The following TET3 variants were observed in gnomAD, a reference collection of about 807,000 sequenced individuals.
The protein encoded by TET3 is methylcytosine dioxygenase TET3.
In TET3, 19 loss-of-function variants were observed where a neutral mutation model predicts 141.4. The observed-to-expected ratio is 0.13, with a 90% CI of 0.09 to 0.20. The LOEUF (loss-of-function observed/expected upper bound fraction) is 0.20, where lower values mean the gene tolerates loss of function less well. TET3 is among the 10% of genes least tolerant of loss of function. The pLI is 1.00. For missense variants in TET3, 1,874 were observed against 2,356.9 expected (o/e 0.80, Z 4.24); for synonymous variants, 1,043 against 980.9 (o/e 1.06, Z -1.18).
chr2:74,105,205 G>A lies in TET3; in HGVS notation c.*3029G>A, dbSNP rs549505282. On this transcript the variant is annotated 3_prime_UTR_variant, in exon 12 of 12. Coordinates refer to ENST00000409262, the MANE Select transcript of TET3 (RefSeq NM_001287491.2). ...AGAACCTAACAGCATGACCAAGTTC[G>A]AAGAGTCATATTATAGCAACGGAAA... 2.0e-4 allele frequency: 80 copies of A among 398,514 alleles called. No individual in the cohort carries two copies. The highest frequency in any genetic ancestry group is 1.5e-3 in the African/African-American group (74 of 48,710). The allele number at this position is 398,514 out of a possible 1,614,324, so 24.7% of individuals were successfully genotyped here.
chr2:74,060,538 T>C (rs986375529), intron 4 of TET3, among the ~76,000 whole-genome samples: 10 of 152,216 alleles, frequency 6.6e-5, no homozygotes, highest in African/African-American at 2.4e-4. Flanking sequence ...ATTATTATTT[T>C]TTTTTATTGA....
intron 3 of TET3, among the ~76,000 whole-genome samples, chr2:74,013,936 G>T (rs1473990700): frequency 2.6e-5 from 4 of 152,112 alleles, no homozygotes; most frequent in Non-Finnish European, 5.9e-5. Context: ...CCATAGAAAT[G>T]ATCCTTTTCA....
chr2:74,075,320 CTTTTTTTTTTTTTTTT>C (rs971111434), intron 5 of TET3, among the ~76,000 whole-genome samples: 11 of 89,082 alleles, frequency 1.2e-4, no homozygotes, highest in African/African-American at 3.9e-4. Flanking sequence ...GAGCCAAATA[CTTTTTTTTTTTTTTTT>C]TTTTTTTTTT....
At chr2:74,088,073 C>CT (rs1690259380) in intron 7 of TET3, 35 bp downstream of exon 7, 3 of 1,543,416 alleles carry the variant, frequency 1.9e-6, no homozygotes, top group Non-Finnish European at 2.6e-6. Context: ...CAGGGCCCAC[C>CT]TATAGGGTCC....
intron 5 of TET3, among the ~76,000 whole-genome samples, chr2:74,077,599 CAA>C (rs1689579963): frequency 6.6e-6 from 1 of 152,034 alleles, no homozygotes; most frequent in South Asian, 2.1e-4. Context: ...TCTTTAAACA[CAA>C]AGAGACAGTC....
At position 74,047,850 on chromosome 2, in the gene TET3, C is replaced by T; in HGVS notation, c.1933C>T (p.Pro645Ser). The stretch of plus-strand genomic sequence containing the variant: ...CTCCCAGGAAGTGCAGGCTCATCCA[C>T]CGGCCCCTCTGCCTGCCTCACAGGG... Reference protein sequence around the residue: ...PASQEVQAHPPAPLPASQGSA... With the variant: ...PASQEVQAHPSAPLPASQGSA... Residue 645 changes from proline (P) to serine (S), a missense_variant, in exon 4 of 12, where the codon CCG (proline) becomes TCG (serine). By Grantham distance (74) the Pro-to-Ser change is moderately conservative. Transcript: ENST00000409262. 1.2e-6 allele frequency: 2 copies of T among 1,612,758 alleles called. No individual in the cohort carries two copies. Among genetic ancestry groups the T allele is most frequent in the South Asian group, 1.1e-5 (1 of 90,886 alleles).
chr2:74,011,898 A>G (rs1389763273), intron 3 of TET3, among the ~76,000 whole-genome samples: 2 of 151,550 alleles, frequency 1.3e-5, no homozygotes, highest in African/African-American at 4.8e-5. Context: ...AAAAAAAGAA[A>G]GGGAGCAAAA....
chr2:73,986,181 G>C lies in TET3; in HGVS notation c.-223G>C, dbSNP rs1336197208. 2.6e-6 allele frequency: 1 copy of C among 381,138 alleles called. No homozygotes were observed. Among genetic ancestry groups the C allele is most frequent in the East Asian group, 3.8e-5 (1 of 26,182 alleles). 23.6% of individuals were successfully genotyped at this position (381,138 alleles called of 1,614,324 possible). On this transcript the variant is annotated 5_prime_UTR_variant, in exon 2 of 12. Coordinates refer to ENST00000409262, the MANE Select transcript of TET3 (RefSeq NM_001287491.2). The stretch of plus-strand genomic sequence containing the variant: ...GTCCTCCCCCAGATCCTGGGCCCCA[G>C]CAGGTGGGAGAGTGGCCCCCTACGG...
intron 2 of TET3, among the ~76,000 whole-genome samples, chr2:74,002,429 T>A (rs1573656561): frequency 1.4e-5 from 2 of 145,518 alleles, no homozygotes; most frequent in South Asian, 2.4e-4. Flanking sequence ...TCATCTTTGA[T>A]CCTGGAGGCG....
rs1437121263 is a variant in TET3, at chr2:74,059,473, T to G, written c.2494+11062T>G. ...TTTCGCCAGGTTGGCCAGGCTGGTCTGGAACTCCTGACCTGAGGTGATCTG... is the reference window on the plus strand; with the variant it reads ...TTTCGCCAGGTTGGCCAGGCTGGTCGGGAACTCCTGACCTGAGGTGATCTG... On this transcript the variant is annotated intron_variant, in intron 4 of 11. Coordinates refer to ENST00000409262, the MANE Select transcript of TET3 (RefSeq NM_001287491.2). 4.6e-5 allele frequency among the ~76,000 whole-genome samples: 7 copies of G among 152,252 alleles called. No homozygotes were observed. The East Asian group carries it at 1.3e-3, about 29-fold the overall frequency.
intron 10 of TET3, among the ~76,000 whole-genome samples, chr2:74,094,599 A>G (rs1249656914): frequency 6.6e-6 from 1 of 152,064 alleles, no homozygotes; most frequent in Non-Finnish European, 1.5e-5. Flanking sequence ...AATAAGAGGA[A>G]GGAGGCGAAG....
At chr2:74,113,006 C>CCAA (rs780195901), downstream of TET3, among the ~76,000 whole-genome samples, 567 of 34,362 alleles carry the variant, frequency 0.017, 15 homozygotes, top group Admixed American at 0.063. Flanking sequence ...GACTCCGTCT[C>CCAA]AAAAAAAAAA....
intron 4 of TET3, among the ~76,000 whole-genome samples, chr2:74,049,367 C>T (rs1007039183): frequency 2.6e-5 from 4 of 152,056 alleles, no homozygotes; most frequent in Non-Finnish European, 5.9e-5. Flanking sequence ...TGTGAGAACG[C>T]GTTGAGGAGT....
intron 10 of TET3, among the ~76,000 whole-genome samples, chr2:74,097,226 C>CACACAT: frequency 6.6e-6 from 1 of 151,574 alleles, no homozygotes; most frequent in East Asian, 1.9e-4. Flanking sequence ...CACACACACA[C>CACACAT]ACACATACAT....
chr2:74,097,893 G>A (rs1374428122), intron 10 of TET3, among the ~76,000 whole-genome samples: 2 of 152,106 alleles, frequency 1.3e-5, no homozygotes, highest in East Asian at 3.8e-4. Context: ...GAATTAAGTA[G>A]CCCTGGGAGG....
Position 74,036,746 on chromosome 2 carries a change from G to A in TET3, c.361-9532G>A, listed in dbSNP as rs781039346. 1.8e-4 allele frequency among the ~76,000 whole-genome samples: 27 copies of A among 152,322 alleles called. No homozygotes were observed. In the East Asian group the frequency reaches 2.5e-3, roughly 14 times the overall value. On this transcript the variant is annotated intron_variant, in intron 3 of 11. Transcript: ENST00000409262. ...CATAAGAGGGTTCCATCAGAGTCAC[G>A]TAGAGACTTTTCCTGGTTCCTTCTT...
chr2:74,087,931 C>G lies in TET3; in HGVS notation c.2781C>G (p.Ala927=). 1 of 1,552,762 alleles carries G rather than the reference C, an allele frequency of 6.4e-7. No homozygotes were observed. The highest frequency in any genetic ancestry group is 2.4e-5 in the East Asian group (1 of 40,958). The change falls in exon 7 of 12, where the codon GCC becomes GCG. Residue 927 remains alanine, a synonymous_variant. Transcript: ENST00000409262. The surrounding 1 kb of genome is among the most constrained non-coding windows in gnomAD (Gnocchi z 4.3). ...CTGTGATCGTCATCCTCATCCTGGC[C>G]TGGGAGGGCATTCCCCGTAGCCTCG... ...QNAVIVILIL[A]WEGIPRSLGD...
chr2:74,084,357 G>T (rs945658482), intron 6 of TET3, among the ~76,000 whole-genome samples: 4 of 152,210 alleles, frequency 2.6e-5, no homozygotes, highest in Non-Finnish European at 5.9e-5. Context: ...GCTGGGCGCA[G>T]TGGCTCACGC....
At chr2:74,113,035 A>AC (rs1558809514), downstream of TET3, among the ~76,000 whole-genome samples, 4 of 147,432 alleles carry the variant, frequency 2.7e-5, no homozygotes, top group Non-Finnish European at 5.9e-5. Flanking sequence ...AAAAAAAAAA[A>AC]CCCACAGTTA....
Sources: gnomAD v4.1 joint callset for allele counts (sites outside exome capture counted in the v4.1 genomes callset) on GRCh38, gnomAD v4.1.1 for gene constraint, Gnocchi (gnomAD v3.1) non-coding constraint, MANE v1.5 for transcripts, NCBI Gene and HGNC (gene_info 2026-07-23, HGNC 2026-07-21) for gene names.